The following CYP2C8 variants were observed in gnomAD, a reference collection of about 807,000 sequenced individuals.
CYP2C8 encodes cytochrome P450 family 2 subfamily C member 8, also known as cytochrome P450 2C8.
CYP2C8 carries 51 observed loss-of-function variants against 41.3 expected under a neutral mutation model. The ratio of observed to expected loss-of-function variants is 1.24; its 90% CI spans 0.99 to 1.56. The LOEUF (loss-of-function observed/expected upper bound fraction) is 1.56. Among genes scored for constraint, CYP2C8 ranks in the 40% most tolerant of loss-of-function variants. The pLI is 0.00. For synonymous variants in CYP2C8, 218 were observed against 205.8 expected (o/e 1.06, Z -0.51); for missense variants, 651 against 579.9 (o/e 1.12, Z -1.26).
At chr10:95,050,838 T>C (rs2033200685) in intron 5 of CYP2C8, among the ~76,000 whole-genome samples, 1 of 151,814 alleles carries the variant, frequency 6.6e-6, no homozygotes, top group African/African-American at 2.4e-5. Context: ...GTTAAGTCCT[T>C]TTTAATATCT....
intron 1 of CYP2C8, chr10:95,068,425 T>G: frequency 5.0e-6 from 2 of 398,788 alleles, no homozygotes; most frequent in Non-Finnish European, 9.3e-6. Flanking sequence ...CCTGACTGAT[T>G]ACTTCTTTCT....
intron 7 of CYP2C8, among the ~76,000 whole-genome samples, chr10:95,039,874 C>A (rs1370349088): frequency 6.6e-6 from 1 of 152,164 alleles, no homozygotes; most frequent in Non-Finnish European, 1.5e-5. Context: ...TTTAAAGCAC[C>A]TATGTAGTTT....
intron 1 of CYP2C8, among the ~76,000 whole-genome samples, 185 bp from the exon 2 acceptor site, chr10:95,067,876 T>C (rs1183518050): frequency 6.6e-6 from 1 of 152,230 alleles, no homozygotes; most frequent in African/African-American, 2.4e-5. Flanking sequence ...ATAGATGGCC[T>C]GTGATGTGCC....
At chr10:95,061,909 T>C (rs931124464) in intron 4 of CYP2C8, among the ~76,000 whole-genome samples, 2 of 152,216 alleles carry the variant, frequency 1.3e-5, no homozygotes, top group African/African-American at 4.8e-5. Context: ...CCAGTAGTCA[T>C]TCAGGAGCAG....
At chr10:95,067,764 A>G in intron 1 of CYP2C8, 73 bp from the exon 2 acceptor site, 1 of 1,420,628 alleles carries the variant, frequency 7.0e-7, no homozygotes, top group Admixed American at 1.9e-5. Context: ...ATTCAGACTG[A>G]CATTTTCATT....
chr10:95,041,586 C>T (rs550901741), intron 7 of CYP2C8, among the ~76,000 whole-genome samples: 95 of 150,566 alleles, frequency 6.3e-4, no homozygotes, highest in Non-Finnish European at 1.3e-3. Flanking sequence ...TCGAGACCAT[C>T]CTGGCTAACA....
intron 1 of CYP2C8, among the ~76,000 whole-genome samples, 176 bp from the exon 2 acceptor site, chr10:95,067,867 T>C (rs1449159264): frequency 6.6e-6 from 1 of 152,242 alleles, no homozygotes; most frequent in Non-Finnish European, 1.5e-5. Context: ...CTGCCACTTA[T>C]AGATGGCCTG....
intron 5 of CYP2C8, among the ~76,000 whole-genome samples, chr10:95,055,757 C>T (rs757710911): frequency 6.6e-5 from 10 of 152,058 alleles, no homozygotes; most frequent in Non-Finnish European, 1.3e-4. Context: ...TAAACAATTA[C>T]CTACAGTTCA....
chr10:95,037,056 T>G lies in CYP2C8; in HGVS notation c.*72A>C. ...TGATGAGAGGTCAGAGAAGACATAA[T>G]AGTGGGAATGTCCTTGATAAAAAAA... On this transcript the variant is annotated 3_prime_UTR_variant, in exon 9 of 9. Coordinates refer to ENST00000371270, the MANE Select transcript of CYP2C8 (RefSeq NM_000770.3). 1 of 1,358,232 alleles carries G rather than the reference T, an allele frequency of 7.4e-7. No homozygotes were observed. The highest frequency in any genetic ancestry group is 1.1e-6 in the Non-Finnish European group (1 of 950,070). 84.1% of individuals were successfully genotyped at this position (1,358,232 alleles called of 1,614,324 possible). A position where few individuals can be genotyped will look rare whatever the true frequency, so the allele number is the denominator to read the frequency against.
chr10:95,050,272 C>G (rs1036617583), intron 5 of CYP2C8, among the ~76,000 whole-genome samples: 1 of 152,070 alleles, frequency 6.6e-6, no homozygotes, highest in East Asian at 1.9e-4. Flanking sequence ...ACCAAATAGA[C>G]TTCTAAGGTT....
chr10:95,066,151 AGAGTGTGTGTGTGTGTGT>A (rs1221862832), intron 3 of CYP2C8, among the ~76,000 whole-genome samples: 1 of 82,760 alleles, frequency 1.2e-5, no homozygotes, highest in African/African-American at 4.2e-5. Context: ...AGAGAGAGAG[AGAGTGTGTGTGTGTGTGT>A]GTGTGTGTGT....
At chr10:95,046,017 T>A in intron 5 of CYP2C8, 66 bp from the exon 6 acceptor site, 1 of 1,568,722 alleles carries the variant, frequency 6.4e-7, no homozygotes, top group South Asian at 1.1e-5. Flanking sequence ...CACTAAATTT[T>A]AAAAAACATA....
Position 95,037,309 on chromosome 10 carries a change from C to G in CYP2C8, c.1292G>C (p.Gly431Ala), listed in dbSNP as rs1564732433. 6.2e-7 allele frequency: 1 copy of G among 1,612,942 alleles called. No homozygotes were observed. The change falls in exon 9 of 9, where the codon GGA becomes GCA. Residue 431 changes from glycine (G) to alanine (A), a missense_variant and splice_region_variant. Physicochemically the swap from Gly to Ala is moderately conservative, Grantham distance 60 (BLOSUM62 0). Transcript: ENST00000371270. ...KSDYFMPFSA[G>A]KRICAGEGLA... ...TCCTTCTCCTGCACAAATTCGTTTT[C>G]CTGAAGATAACAAAGAAAGGAAGTA...
intron 5 of CYP2C8, among the ~76,000 whole-genome samples, chr10:95,057,483 A>G (rs1232428442): frequency 2.6e-5 from 4 of 152,158 alleles, no homozygotes; most frequent in Non-Finnish European, 5.9e-5. Flanking sequence ...TTGCGACTGA[A>G]TGAACACAAA....
chr10:95,069,381 C>A lies in CYP2C8; in HGVS notation c.22G>T (p.Val8Leu), dbSNP rs778470178. ...AGAAGCATAAAAGAGAGACACAGCA[C>A]CAGGACCACAAAAGGTTCCATTGAA... MEPFVVL[V>L]LCLSFMLLFS... is the part of the protein sequence containing the mutation. The change falls in exon 1 of 9, where the codon GTG becomes TTG. Residue 8 changes from valine to leucine, a missense_variant. Transcript: ENST00000371270. 3 of 1,614,118 alleles carry A rather than the reference C, an allele frequency of 1.9e-6. No individual in the cohort carries two copies. The highest frequency in any genetic ancestry group is 2.5e-6 in the Non-Finnish European group (3 of 1,179,998).
At chr10:95,044,427 A>T (rs1375098971) in intron 6 of CYP2C8, among the ~76,000 whole-genome samples, 3 of 152,070 alleles carry the variant, frequency 2.0e-5, no homozygotes, top group African/African-American at 4.8e-5. Flanking sequence ...CCTGTGATGG[A>T]TGTTTTAATT....
chr10:95,061,915 A>G (rs2033445624), intron 4 of CYP2C8, among the ~76,000 whole-genome samples: 1 of 152,168 alleles, frequency 6.6e-6, no homozygotes, highest in African/African-American at 2.4e-5. Context: ...GTCATTCAGG[A>G]GCAGGTTGTT....
intron 6 of CYP2C8, among the ~76,000 whole-genome samples, chr10:95,045,241 C>T (rs1417906744): frequency 2.6e-5 from 4 of 152,150 alleles, no homozygotes; most frequent in Non-Finnish European, 5.9e-5. Context: ...GGTCAAATAG[C>T]ATTTTTATGA....
chr10:95,048,638 T>C (rs11572147), intron 5 of CYP2C8, among the ~76,000 whole-genome samples: 8 of 149,154 alleles, frequency 5.4e-5, no homozygotes, highest in Non-Finnish European at 1.2e-4. Context: ...CCAAATGCTA[T>C]GTTATTTTGC....
Sources: allele counts gnomAD v4.1 joint callset (sites outside exome capture counted in the v4.1 genomes callset), GRCh38; gene constraint gnomAD v4.1.1; transcripts MANE v1.5; gene names NCBI Gene and HGNC (gene_info 2026-07-23, HGNC 2026-07-21).